Variants in ADAMTS17 observed in about 807,000 individuals in gnomAD.
ADAMTS17 encodes A disintegrin and metalloproteinase with thrombospondin motifs 17.
In ADAMTS17, 113 loss-of-function variants were observed where a neutral mutation model predicts 141.5. That is an observed-to-expected ratio of 0.80 (90% confidence interval 0.69 to 0.93). The LOEUF is 0.93. Among genes scored for constraint, ADAMTS17 ranks in the 40% least tolerant of loss-of-function variants. ADAMTS17 has a pLI of 0.00. For missense variants in ADAMTS17, 1,659 were observed against 1,517.9 expected, an observed-to-expected ratio of 1.09 and a Z score of -1.54; for synonymous variants, 768 against 630.6, an observed-to-expected ratio of 1.22 and a Z score of -3.27.
At chr15:100,318,437 C>T (rs551062268) in intron 3 of ADAMTS17, among the ~76,000 whole-genome samples, 1 of 152,044 alleles carries the variant, frequency 6.6e-6, no homozygotes, top group East Asian at 1.9e-4. Context: ...GTATTAGTGC[C>T]CTTATAAGAG....
intron 7 of ADAMTS17, among the ~76,000 whole-genome samples, chr15:100,244,583 G>A (rs991983036): frequency 1.3e-5 from 2 of 151,994 alleles, no homozygotes; most frequent in Non-Finnish European, 2.9e-5. Flanking sequence ...GAAGAGTCAT[G>A]CCTGTCCCCG....
intron 8 of ADAMTS17, among the ~76,000 whole-genome samples, chr15:100,170,425 C>T (rs766786955): frequency 4.6e-5 from 7 of 151,914 alleles, no homozygotes; most frequent in Non-Finnish European, 1.0e-4. Flanking sequence ...TCCCTCAGCA[C>T]GCAGGGACTC....
chr15:100,221,278 C>CT (rs34908375), intron 7 of ADAMTS17, among the ~76,000 whole-genome samples: 48,003 of 147,726 alleles, frequency 0.32, 7,788 homozygotes, highest in East Asian at 0.62. Flanking sequence ...ATAAACTTCA[C>CT]TTTTTTTTTT....
At chr15:100,104,814 G>A (rs2036318325) in intron 14 of ADAMTS17, among the ~76,000 whole-genome samples, 1 of 152,066 alleles carries the variant, frequency 6.6e-6, no homozygotes, top group Admixed American at 6.5e-5. Context: ...TTTCTTTCTT[G>A]CTATACACAT....
rs73474423 is a variant in ADAMTS17 at position 100,055,644 on chromosome 15, G to A, written c.2138-1590C>T. On this transcript the variant is annotated intron_variant, in intron 15 of 21. Transcript: ENST00000268070. ...AGAGAAAGCCCTGCCACTTGGAGCC[G>A]AATCTGTTTCCCTTCAAGAAATCCA... Among the ~76,000 whole-genome samples, 959 of 152,188 alleles carry A rather than the reference G, an allele frequency of 6.3e-3. 12 individuals carry two copies. Among genetic ancestry groups the A allele is most frequent in the African/African-American group, 0.022 (897 of 41,458 alleles).
chr15:100,321,034 C>A lies in ADAMTS17; in HGVS notation c.616+9855G>T, dbSNP rs892098686. Among the ~76,000 whole-genome samples the A allele has an allele frequency of 3.9e-5, 6 of 152,068 alleles. No homozygotes were observed. The East Asian group carries it at 9.6e-4, about 24-fold the overall frequency. On this transcript the variant is annotated intron_variant, in intron 3 of 21. Coordinates refer to ENST00000268070, the MANE Select transcript of ADAMTS17 (RefSeq NM_139057.4). Reference sequence around the variant, plus strand: ...AATTCTAACTGCAAAAACATGATTACCATTCATTGGGAAGAGACAAAGACA... The same window carrying A: ...AATTCTAACTGCAAAAACATGATTAACATTCATTGGGAAGAGACAAAGACA...
At chr15:100,208,024 T>A (rs560327587) in intron 7 of ADAMTS17, among the ~76,000 whole-genome samples, 1 of 152,230 alleles carries the variant, frequency 6.6e-6, no homozygotes, top group East Asian at 1.9e-4. Context: ...GCTAAAATCA[T>A]CTCTTCAAGT....
chr15:100,098,599 G>A (rs1356136013), intron 14 of ADAMTS17, among the ~76,000 whole-genome samples: 1 of 151,564 alleles, frequency 6.6e-6, no homozygotes, highest in Non-Finnish European at 1.5e-5. Flanking sequence ...GGAGGCGGAG[G>A]TTGCAGTGAG....
intron 2 of ADAMTS17, 92 bp downstream of exon 2, chr15:100,340,946 TC>T: frequency 1.3e-6 from 2 of 1,496,820 alleles, no homozygotes; most frequent in Non-Finnish European, 1.8e-6. Flanking sequence ...AGGCTGGACT[TC>T]CAGCAGAGGC....
intron 20 of ADAMTS17, among the ~76,000 whole-genome samples, chr15:99,992,360 G>C (rs1356664804): frequency 6.6e-6 from 1 of 152,196 alleles, no homozygotes; most frequent in Admixed American, 6.5e-5. Context: ...ATGCTTACAG[G>C]AGGAGTGGTA....
intron 20 of ADAMTS17, chr15:99,976,473 G>A (rs1265123808): frequency 1.7e-5 from 10 of 602,534 alleles, no homozygotes; most frequent in East Asian, 1.1e-4. Context: ...TGTGTGTCAT[G>A]CCCAGGCACT....
chr15:100,046,129 C>A (rs2141562105), intron 18 of ADAMTS17, among the ~76,000 whole-genome samples: 1 of 152,288 alleles, frequency 6.6e-6, no homozygotes, highest in Non-Finnish European at 1.5e-5. Flanking sequence ...GATCTGCCCG[C>A]CTTTGCCTCC....
intron 8 of ADAMTS17, among the ~76,000 whole-genome samples, chr15:100,181,379 G>C (rs1417929556): frequency 6.6e-6 from 1 of 152,184 alleles, no homozygotes; most frequent in Non-Finnish European, 1.5e-5. Context: ...TCAAGCAGAA[G>C]GAGTCTCTTA....
chr15:100,063,662 A>G, intron 15 of ADAMTS17: 1 of 1,289,738 alleles, frequency 7.8e-7, no homozygotes, highest in Non-Finnish European at 1.0e-6. Context: ...TGGTGAGTCA[A>G]GTCATTTGTG....
At chr15:100,138,950 G>C (rs2038479052) in intron 10 of ADAMTS17, among the ~76,000 whole-genome samples, 1 of 152,198 alleles carries the variant, frequency 6.6e-6, no homozygotes. Context: ...AAAATTATCA[G>C]TGATTTCCCG....
rs1301739267 is a variant in ADAMTS17 at position 100,058,178 on chromosome 15, G to C, written c.2138-4124C>G. Among the ~76,000 whole-genome samples the C allele has an allele frequency of 3.5e-5, 2 of 57,930 alleles. 1 individual carries two copies. The highest frequency in any genetic ancestry group is 8.7e-5 in the Non-Finnish European group (2 of 22,952). The allele number at this position is 57,930 out of a possible 152,430, so 38.0% of individuals were successfully genotyped here. A position where few individuals can be genotyped will look rare whatever the true frequency, so the allele number is the denominator to read the frequency against. On this transcript the variant is annotated intron_variant, in intron 15 of 21. Coordinates refer to ENST00000268070, the MANE Select transcript of ADAMTS17 (RefSeq NM_139057.4). ...TCCCAGCTCTAACCCTCCTATCCCGGCTCTAACACCCCTATCCCAGCTCCA... is the reference window on the plus strand; with the variant it reads ...TCCCAGCTCTAACCCTCCTATCCCGCCTCTAACACCCCTATCCCAGCTCCA...
intron 3 of ADAMTS17, among the ~76,000 whole-genome samples, chr15:100,305,216 C>G (rs1168713413): frequency 6.6e-6 from 1 of 152,106 alleles, no homozygotes; most frequent in Non-Finnish European, 1.5e-5. Context: ...TAAAGCTTAT[C>G]TCATCCAGGT....
At chr15:100,063,774 G>A (rs771585108) in intron 15 of ADAMTS17, 43 of 1,288,726 alleles carry the variant, frequency 3.3e-5, no homozygotes, top group Middle Eastern at 4.2e-4. Context: ...AGCAACAAAC[G>A]ACACAGAAGT....
chr15:100,030,355 G>T (rs2030022361), intron 18 of ADAMTS17, among the ~76,000 whole-genome samples: 1 of 152,104 alleles, frequency 6.6e-6, no homozygotes, highest in African/African-American at 2.4e-5. Context: ...ATTTCATCAG[G>T]CTCCTTCCTT....
Sources: gnomAD v4.1 joint callset for allele counts (sites outside exome capture counted in the v4.1 genomes callset) on GRCh38, gnomAD v4.1.1 for gene constraint, MANE v1.5 for transcripts, NCBI Gene and HGNC (gene_info 2026-07-23, HGNC 2026-07-21) for gene names.